CPAMD8: variants seen among roughly 807,000 people sequenced by gnomAD.
The protein encoded by CPAMD8 is C3 and PZP-like alpha-2-macroglobulin domain-containing protein 8.
Under a neutral mutation model 224.7 loss-of-function variants are expected in CPAMD8, and 146 were observed. The observed-to-expected ratio is 0.65, with a 90% CI of 0.57 to 0.75. The LOEUF (loss-of-function observed/expected upper bound fraction) is 0.75. CPAMD8 is among the 30% of genes least tolerant of loss of function. The pLI, the probability that CPAMD8 is intolerant of heterozygous loss-of-function variation, is 0.00. For missense variants in CPAMD8, 2,301 were observed against 2,537.5 expected (o/e 0.91, Z 2.00); for synonymous variants, 966 against 1,044.6 (o/e 0.92, Z 1.45).
intron 3 of CPAMD8, among the ~76,000 whole-genome samples, chr19:17,012,103 T>C (rs955743961): frequency 1.3e-5 from 2 of 152,032 alleles, no homozygotes; most frequent in Admixed American, 1.3e-4. Context: ...CATTGCAACC[T>C]CTGTCTCCCA....
chr19:16,958,041 C>T, intron 18 of CPAMD8, 126 bp from the exon 19 acceptor site: 1 of 792,720 alleles, frequency 1.3e-6, no homozygotes, highest in Non-Finnish European at 2.1e-6. Context: ...GAAGGGTTAA[C>T]ATTGTACTTC....
intron 17 of CPAMD8, among the ~76,000 whole-genome samples, chr19:16,971,861 A>G (rs900869302): frequency 9.2e-5 from 14 of 152,284 alleles, no homozygotes; most frequent in Admixed American, 4.6e-4. Flanking sequence ...AGCCTGGCCA[A>G]CACGGTGAAA....
intron 23 of CPAMD8, 70 bp from the exon 24 acceptor site, chr19:16,929,310 T>C: frequency 1.6e-6 from 2 of 1,284,904 alleles, no homozygotes; most frequent in Admixed American, 1.9e-5. Flanking sequence ...TGATGGTACC[T>C]GGAGGTGAGC....
At chr19:17,013,579 G>T (rs1216809343) in intron 3 of CPAMD8, 1 of 129,238 alleles carries the variant, frequency 7.7e-6, no homozygotes, top group African/African-American at 3.4e-5. Context: ...TGACTCCATT[G>T]ATCTGAATTG....
rs2053319653 is a variant in CPAMD8, at chr19:16,925,271, C to T, written c.3472G>A (p.Val1158Ile). Residue 1158 changes from valine to isoleucine, a missense_variant, in exon 26 of 42, where the codon GTC (valine) becomes ATC (isoleucine). Val to Ile is a conservative substitution (Grantham distance 29). Around this residue, in one of 4 missense-constraint regions of CPAMD8, gnomAD observed 1,709 missense variants for 1,753.2 expected, o/e 0.97. Coordinates refer to ENST00000443236, the MANE Select transcript of CPAMD8 (RefSeq NM_015692.5). ...TGGGTTTTCTGAAGATACTTCAAGA[C>T]AAAGACGTTGGGTGCAAAGTGGATC... ...NMIHFAPNVF[V>I]LKYLQKTQQL... The T allele has an allele frequency of 1.9e-6, 3 of 1,614,240 alleles. No individual in the cohort carries two copies. Among genetic ancestry groups the T allele is most frequent in the Middle Eastern group, 1.6e-4 (1 of 6,062 alleles).
At chr19:16,978,463 CAGAAG>C (rs1333231530) in intron 14 of CPAMD8, among the ~76,000 whole-genome samples, 1 of 152,138 alleles carries the variant, frequency 6.6e-6, no homozygotes, top group African/African-American at 2.4e-5. Flanking sequence ...TTATTTCACC[CAGAAG>C]AGAAGAGAAG....
chr19:16,937,030 C>G (rs145522996), intron 23 of CPAMD8, among the ~76,000 whole-genome samples: 1 of 146,022 alleles, frequency 6.8e-6, no homozygotes, highest in Non-Finnish European at 1.5e-5. Context: ...CCTTCCCTTC[C>G]TCTTTCCTTT....
At chr19:16,970,238 CA>C (rs34399675) in intron 18 of CPAMD8, among the ~76,000 whole-genome samples, 47,304 of 91,948 alleles carry the variant, frequency 0.51, 9,421 homozygotes, top group Middle Eastern at 0.65. Flanking sequence ...GACTCTGTCT[CA>C]AAAAAAAAAA....
chr19:17,002,578 G>C, intron 8 of CPAMD8: 1 of 435,318 alleles, frequency 2.3e-6, no homozygotes, highest in South Asian at 3.3e-5. Context: ...GGCCTCCCCT[G>C]TCACTTTTAG....
intron 24 of CPAMD8, among the ~76,000 whole-genome samples, chr19:16,928,517 T>G (rs531404609): frequency 6.6e-6 from 1 of 152,224 alleles, no homozygotes; most frequent in Non-Finnish European, 1.5e-5. Context: ...GAACCTACTC[T>G]GCTTCCATTT....
In CPAMD8 at chr19:16,928,958, C is replaced by T. The variant is rs201029210; in HGVS notation, c.3128G>A (p.Arg1043His). The T allele has an allele frequency of 2.9e-4, 469 of 1,607,332 alleles. 1 individual carries two copies. The highest frequency in any genetic ancestry group is 3.4e-4 in the Non-Finnish European group (395 of 1,175,922). Residue 1043 changes from arginine to histidine, a missense_variant, in exon 24 of 42, where the codon CGT becomes CAT. By Grantham distance (29) the Arg-to-His change is conservative. Coordinates refer to ENST00000443236, the MANE Select transcript of CPAMD8 (RefSeq NM_015692.5). ...DEFRTFWISW[R>H]GGLIQVGHGP... ...GCTGTATACCTGGATAAGGCCACCA[C>T]GCCAGCTGATCCAGAATGTTCTGAA...
intron 12 of CPAMD8, among the ~76,000 whole-genome samples, chr19:16,991,838 G>A (rs2055962521): frequency 6.9e-6 from 1 of 145,630 alleles, no homozygotes; most frequent in African/African-American, 2.6e-5. Flanking sequence ...TTGGGCGACA[G>A]AGCAAGACTC....
chr19:16,989,786 T>C lies in CPAMD8; in HGVS notation c.1267-15A>G, dbSNP rs2122887363. On this transcript the variant is annotated splice_polypyrimidine_tract_variant and intron_variant, in intron 12 of 41. Coordinates refer to ENST00000443236, the MANE Select transcript of CPAMD8 (RefSeq NM_015692.5). ...ATCACCTTGGTCTGAGAAGAGAAGA[T>C]GCTTAGATCAACACCCGAGTGCCAA... 3 of 1,613,356 alleles carry C rather than the reference T, an allele frequency of 1.9e-6. No individual in the cohort carries two copies. Among genetic ancestry groups the C allele is most frequent in the Non-Finnish European group, 1.7e-6 (2 of 1,179,588 alleles).
Position 17,008,550 on chromosome 19 carries a change from C to T in CPAMD8, c.514G>A (p.Gly172Ser). ...TGTCTCCACTCTATCATCCGAGAGC[C>T]TCGGGGGTCCTGTTGGTGGTGGAGG... ...KLEAYILDPR[G>S]SRMIEWRHLK... Residue 172 changes from glycine (G) to serine (S), a missense_variant, in exon 7 of 42, where the codon GGC becomes AGC. This residue lies in a region of CPAMD8 where 283 missense variants were observed against 340.6 expected (regional missense o/e 0.83). Coordinates refer to ENST00000443236, the MANE Select transcript of CPAMD8 (RefSeq NM_015692.5). 1 of 1,614,048 alleles carries T rather than the reference C, an allele frequency of 6.2e-7. No individual in the cohort carries two copies. The highest frequency in any genetic ancestry group is 2.2e-5 in the East Asian group (1 of 44,878).
At chr19:17,019,974 T>TC (rs2056911877) in intron 3 of CPAMD8, among the ~76,000 whole-genome samples, 1 of 146,274 alleles carries the variant, frequency 6.8e-6, no homozygotes, top group African/African-American at 2.5e-5. Context: ...TTCTTTTCTT[T>TC]TTTTTTTTTT....
chr19:16,960,474 T>C (rs979209989), intron 18 of CPAMD8, among the ~76,000 whole-genome samples: 2 of 151,404 alleles, frequency 1.3e-5, no homozygotes, highest in Non-Finnish European at 2.9e-5. Flanking sequence ...AAGAGTGAGG[T>C]AAACATGCAT....
intron 6 of CPAMD8, chr19:17,008,806 G>T: frequency 3.6e-6 from 2 of 553,310 alleles, no homozygotes; most frequent in South Asian, 4.1e-5. Context: ...AAATGGACGT[G>T]GCTGGGTGTG....
At chr19:16,924,545 C>T (rs1033143024) in intron 26 of CPAMD8, among the ~76,000 whole-genome samples, 1 of 152,152 alleles carries the variant, frequency 6.6e-6, no homozygotes, top group Non-Finnish European at 1.5e-5. Context: ...GCCAGACTTT[C>T]AGCCTAGAGC....
chr19:16,983,859 T>G (rs2055608801), intron 13 of CPAMD8, among the ~76,000 whole-genome samples: 1 of 152,212 alleles, frequency 6.6e-6, no homozygotes, highest in South Asian at 2.1e-4. Context: ...GAAATGGAAC[T>G]GATCTTAAAA....
Sources: gnomAD v4.1 joint callset for allele counts (sites outside exome capture counted in the v4.1 genomes callset) on GRCh38, gnomAD v4.1.1 for gene constraint, gnomAD v4.1.1 regional missense constraint, MANE v1.5 for transcripts, NCBI Gene and HGNC (gene_info 2026-07-23, HGNC 2026-07-21) for gene names.